Variants in PCDHA9 observed in about 807,000 individuals in gnomAD.
PCDHA9 encodes protocadherin alpha 9.
Under a neutral mutation model 62.0 loss-of-function variants are expected in PCDHA9, and 62 were observed. The ratio of observed to expected loss-of-function variants is 1.00; its 90% CI spans 0.81 to 1.23. The LOEUF is 1.23. PCDHA9 is among the 50% of genes most tolerant of loss of function. The pLI, the probability that PCDHA9 is intolerant of heterozygous loss-of-function variation, is 0.00. For synonymous variants in PCDHA9, 557 were observed against 567.6 expected (o/e 0.98, Z 0.27); for missense variants, 1,205 against 1,249.8 (o/e 0.96, Z 0.54).
At chr5:140,872,977 GC>G (rs1326111410) in intron 1 of PCDHA9, among the ~76,000 whole-genome samples, 3 of 152,086 alleles carry the variant, frequency 2.0e-5, no homozygotes, top group African/African-American at 7.2e-5. Context: ...GAAGATTTGA[GC>G]AAAGATCATT....
At chr5:140,926,409 C>G (rs1426750263) in intron 1 of PCDHA9, 3 of 152,670 alleles carry the variant, frequency 2.0e-5, no homozygotes, top group Admixed American at 6.5e-5. Context: ...CAGCAATCTG[C>G]GGGCAGAGGA....
intron 1 of PCDHA9, among the ~76,000 whole-genome samples, chr5:140,956,211 T>C (rs908749043): frequency 6.6e-6 from 1 of 152,198 alleles, no homozygotes; most frequent in African/African-American, 2.4e-5. Context: ...AAAGAGGGCA[T>C]CCTTGTCTTG....
intron 1 of PCDHA9, among the ~76,000 whole-genome samples, chr5:140,907,117 T>G (rs2073177882): frequency 6.6e-6 from 1 of 152,156 alleles, no homozygotes; most frequent in Non-Finnish European, 1.5e-5. Context: ...ACCCCTTGAT[T>G]CCTGGACCTG....
chr5:141,009,557 C>T (rs782135260), intron 3 of PCDHA9, 70 bp from the exon 4 acceptor site: 38 of 1,565,272 alleles, frequency 2.4e-5, no homozygotes, highest in Non-Finnish European at 2.8e-5. Flanking sequence ...TACTCCTGTA[C>T]TCTACCAGCA....
intron 1 of PCDHA9, among the ~76,000 whole-genome samples, chr5:140,907,411 G>T (rs1053744231): frequency 6.6e-6 from 1 of 152,192 alleles, no homozygotes; most frequent in Non-Finnish European, 1.5e-5. Flanking sequence ...GGAATACCAC[G>T]ATGGTGGATA....
intron 1 of PCDHA9, chr5:140,884,024 G>T: frequency 1.2e-6 from 2 of 1,613,318 alleles, no homozygotes; most frequent in South Asian, 2.2e-5. Flanking sequence ...GCGGTCGGTG[G>T]GTGCAGGCCA....
chr5:140,923,152 T>C (rs2153567399), intron 1 of PCDHA9, among the ~76,000 whole-genome samples: 1 of 152,204 alleles, frequency 6.6e-6, no homozygotes, highest in South Asian at 2.1e-4. Context: ...TAAAAAAAAT[T>C]ATAGAAAGAT....
At chr5:140,909,632 A>G (rs781948813) in intron 1 of PCDHA9, among the ~76,000 whole-genome samples, 3 of 152,038 alleles carry the variant, frequency 2.0e-5, no homozygotes, top group South Asian at 2.1e-4. Flanking sequence ...TGGTCTTCCT[A>G]TTTTGTCTTT....
chr5:140,910,577 C>T (rs1425639563), intron 1 of PCDHA9, among the ~76,000 whole-genome samples: 1 of 152,186 alleles, frequency 6.6e-6, no homozygotes, highest in Non-Finnish European at 1.5e-5. Flanking sequence ...TTTCTGGATC[C>T]TCCCAGCTGG....
At chr5:140,979,354 A>G (rs1205411040) in intron 2 of PCDHA9, among the ~76,000 whole-genome samples, 1 of 151,576 alleles carries the variant, frequency 6.6e-6, no homozygotes. Context: ...ATTAATACTC[A>G]TGCTTTGAGA....
In PCDHA9 at chr5:140,849,385, C is replaced by T; in HGVS notation, c.890C>T (p.Pro297Leu). 1.3e-6 allele frequency: 2 copies of T among 1,527,726 alleles called. No homozygotes were observed. Among genetic ancestry groups the T allele is most frequent in the South Asian group, 2.3e-5 (2 of 87,812 alleles). The allele number at this position is 1,527,726 out of a possible 1,614,324, so 94.6% of individuals were successfully genotyped here. A position where few individuals can be genotyped will look rare whatever the true frequency, so the allele number is the denominator to read the frequency against. Residue 297 changes from proline to leucine, a missense_variant, in exon 1 of 4, where the codon CCC becomes CTC. This residue lies in a region of PCDHA9 where 110 missense variants were observed against 227.2 expected (regional missense o/e 0.48). Coordinates refer to ENST00000532602, the MANE Select transcript of PCDHA9 (RefSeq NM_031857.2). ...ATAAAATCCAAGTTCCACATGGACCCCTTAAGTGGGGCAATCACAGTGATA... is the reference window on the plus strand; with the variant it reads ...ATAAAATCCAAGTTCCACATGGACCTCTTAAGTGGGGCAATCACAGTGATA... ...PDIKSKFHMD[P>L]LSGAITVIGH...
rs1483756278 is a variant in PCDHA9, at chr5:140,982,223, T to TA, written c.2454-246dup. On this transcript the variant is annotated intron_variant, in intron 2 of 3. Transcript: ENST00000532602. Reference sequence around the variant, plus strand: ...TTTAGTGAGCGCCACATGGCGTTAATAAAAAACAGAATTGCCATAAAGATA... The same window carrying TA: ...TTTAGTGAGCGCCACATGGCGTTAATAAAAAAACAGAATTGCCATAAAGATA... 8.6e-6 allele frequency: 5 copies of TA among 580,096 alleles called. No homozygotes were observed. In the East Asian group the frequency reaches 1.2e-4, roughly 14 times the overall value. The allele number at this position is 580,096 out of a possible 1,614,324, so 35.9% of individuals were successfully genotyped here. A position where few individuals can be genotyped will look rare whatever the true frequency, so the allele number is the denominator to read the frequency against.
chr5:140,935,561 T>C (rs1184981109), intron 1 of PCDHA9, among the ~76,000 whole-genome samples: 3 of 152,218 alleles, frequency 2.0e-5, no homozygotes, highest in African/African-American at 7.2e-5. Context: ...TTGGAAAAGT[T>C]CCTCTCTGTG....
intron 1 of PCDHA9, among the ~76,000 whole-genome samples, chr5:140,938,387 A>G (rs2092042874): frequency 6.6e-6 from 1 of 152,220 alleles, no homozygotes. Flanking sequence ...AATATTTAAT[A>G]TGAAATACAT....
At chr5:140,876,437 C>T (rs1554168557) in intron 1 of PCDHA9, 1 of 1,613,906 alleles carries the variant, frequency 6.2e-7, no homozygotes, top group Non-Finnish European at 8.5e-7. Context: ...CAGGTTAACG[C>T]CATTGATAAA....
At position 140,850,419 on chromosome 5, in the gene PCDHA9, G is replaced by C. The variant is rs1465099022; in HGVS notation, c.1924G>C (p.Ala642Pro). The change falls in exon 1 of 4, where the codon GCA becomes CCA. Residue 642 changes from alanine to proline, a missense_variant. Around this residue, in one of 3 missense-constraint regions of PCDHA9, gnomAD observed 887 missense variants for 809.5 expected, o/e 1.10. Transcript: ENST00000532602. ...AACGCGTGCCCTGGACGAAACGGAC[G>C]CACCGCGCCAGCGCCTACTGGTGCT... is the stretch of plus-strand genomic sequence containing the variant. ...STTRALDETDAPRQRLLVLVK... is the reference protein window; with the variant it reads ...STTRALDETDPPRQRLLVLVK... The C allele has an allele frequency of 1.9e-6, 3 of 1,597,838 alleles. No homozygotes were observed. The South Asian group carries it at 3.3e-5, about 18-fold the overall frequency.
rs782070226 is a variant in PCDHA9 at position 141,010,142 on chromosome 5, C to G, written c.*205C>G. 1 of 1,588,326 alleles carries G rather than the reference C, an allele frequency of 6.3e-7. No homozygotes were observed. Among genetic ancestry groups the G allele is most frequent in the South Asian group, 1.1e-5 (1 of 88,492 alleles). On this transcript the variant is annotated 3_prime_UTR_variant, in exon 4 of 4. Transcript: ENST00000532602. ...TTACTAAGTCTGGTGTTAACTCTTTCTCTCCACTCTGGCTTGTTTTCAGAA... is the reference window on the plus strand; with the variant it reads ...TTACTAAGTCTGGTGTTAACTCTTTGTCTCCACTCTGGCTTGTTTTCAGAA...
Position 140,853,160 on chromosome 5 carries a change from T to C in PCDHA9, c.2394+2271T>C, listed in dbSNP as rs2150529157. 1.0e-3 allele frequency: 954 copies of C among 925,650 alleles called. 57 individuals carry two copies. The highest frequency in any genetic ancestry group is 1.2e-3 in the Non-Finnish European group (917 of 763,430). 57.3% of individuals were successfully genotyped at this position (925,650 alleles called of 1,614,324 possible). ...TCCCAAAATGCTGGGATTACAGGCG[T>C]GAGCCACCGCGCCTGGCCTAAAATG... On this transcript the variant is annotated intron_variant, in intron 1 of 3. Transcript: ENST00000532602.
chr5:140,954,836 A>T (rs1185482098), intron 1 of PCDHA9, among the ~76,000 whole-genome samples: 1 of 152,086 alleles, frequency 6.6e-6, no homozygotes, highest in Non-Finnish European at 1.5e-5. Context: ...TTTGTCATGA[A>T]ATCTTTGCCT....
Sources: allele counts gnomAD v4.1 joint callset (sites outside exome capture counted in the v4.1 genomes callset), GRCh38; gene constraint gnomAD v4.1.1; regional missense constraint gnomAD v4.1.1; transcripts MANE v1.5; gene names NCBI Gene and HGNC (gene_info 2026-07-23, HGNC 2026-07-21).